Variants in B4GALNT3 observed in about 807,000 individuals in gnomAD.
B4GALNT3 encodes the protein beta-1,4-N-acetyl-galactosaminyltransferase 3, also known as beta-1,4-N-acetylgalactosaminyltransferase 3.
A neutral mutation model predicts 120.2 loss-of-function variants in B4GALNT3; 86 were observed. That is an observed-to-expected ratio of 0.72 (90% CI 0.60 to 0.86). The LOEUF (loss-of-function observed/expected upper bound fraction) is 0.86, where lower values mean the gene tolerates loss of function less well. Among genes scored for constraint, B4GALNT3 ranks in the 40% least tolerant of loss-of-function variants. The pLI, the probability that B4GALNT3 is intolerant of heterozygous loss-of-function variation, is 0.00. For missense variants in B4GALNT3, 1,167 were observed against 1,298.9 expected (o/e 0.90, Z 1.56); for synonymous variants, 518 against 510.4 (o/e 1.01, Z -0.20).
At chr12:493,618 CG>C in intron 1 of B4GALNT3, among the ~76,000 whole-genome samples, 1 of 148,162 alleles carries the variant, frequency 6.7e-6, no homozygotes. Context: ...TGGTTTTTCA[CG>C]AGAAGGATAT....
chr12:521,153 A>G (rs1299825242), intron 1 of B4GALNT3, among the ~76,000 whole-genome samples: 1 of 151,888 alleles, frequency 6.6e-6, no homozygotes, highest in African/African-American at 2.4e-5. Context: ...CCCTCTCCCC[A>G]CCCCTGAGTC....
intron 1 of B4GALNT3, among the ~76,000 whole-genome samples, chr12:504,530 G>A (rs560033747): frequency 6.7e-6 from 1 of 148,910 alleles, no homozygotes; most frequent in Admixed American, 6.7e-5. Flanking sequence ...TGTGATCTCA[G>A]CTCACTGCAA....
intron 1 of B4GALNT3, among the ~76,000 whole-genome samples, chr12:514,381 T>C (rs1227132303): frequency 6.6e-6 from 1 of 151,994 alleles, no homozygotes; most frequent in Admixed American, 6.5e-5. Flanking sequence ...GTATTTTTAG[T>C]AGAGGCGGGG....
At chr12:485,085 T>C (rs924583426) in intron 1 of B4GALNT3, among the ~76,000 whole-genome samples, 1 of 152,140 alleles carries the variant, frequency 6.6e-6, no homozygotes, top group Non-Finnish European at 1.5e-5. Flanking sequence ...TCATGAGAAG[T>C]GAATTCTGGC....
chr12:523,886 C>T (rs915613319), intron 1 of B4GALNT3, among the ~76,000 whole-genome samples: 4 of 152,052 alleles, frequency 2.6e-5, no homozygotes, highest in Non-Finnish European at 5.9e-5. Flanking sequence ...ATAGTGAAAC[C>T]CCGTCTCTAC....
At chr12:552,740 C>T in intron 13 of B4GALNT3, 1 of 587,628 alleles carries the variant, frequency 1.7e-6, no homozygotes, top group Non-Finnish European at 3.0e-6. Context: ...TTTTTAGCAG[C>T]ATGCTGGGGT....
rs561076468 is a variant in B4GALNT3 at position 543,002 on chromosome 12, A to C, written c.352-1337A>C. The C allele has an allele frequency of 3.8e-3, 2,824 of 752,828 alleles. 11 individuals are homozygous for C. Among genetic ancestry groups the C allele is most frequent in the Non-Finnish European group, 5.0e-3 (2,605 of 518,654 alleles). 46.6% of individuals were successfully genotyped at this position (752,828 alleles called of 1,614,324 possible). A position where few individuals can be genotyped will look rare whatever the true frequency, so the allele number is the denominator to read the frequency against. ...TCAGGGATGGGGAGGGGAGGAGAGC[A>C]AGTCTTTCCTGAAACCCCAGCCGGC... On this transcript the variant is annotated intron_variant, in intron 3 of 19. Coordinates refer to ENST00000266383, the MANE Select transcript of B4GALNT3 (RefSeq NM_173593.4).
chr12:518,095 C>T (rs909815418), intron 1 of B4GALNT3, among the ~76,000 whole-genome samples: 1 of 152,166 alleles, frequency 6.6e-6, no homozygotes, highest in Non-Finnish European at 1.5e-5. Flanking sequence ...CATTCATTTA[C>T]CTAATTCATC....
chr12:468,835 G>A (rs568872692), intron 1 of B4GALNT3, among the ~76,000 whole-genome samples: 15 of 152,320 alleles, frequency 9.8e-5, no homozygotes, highest in Admixed American at 8.5e-4. Flanking sequence ...CCTAGCAGAG[G>A]CTATGTGTGT....
At chr12:482,298 T>A (rs938259907) in intron 1 of B4GALNT3, among the ~76,000 whole-genome samples, 3 of 152,200 alleles carry the variant, frequency 2.0e-5, no homozygotes, top group Admixed American at 6.5e-5. Flanking sequence ...GTCAGTGGCT[T>A]GCCACAGTCC....
At chr12:480,718 G>A (rs1446778183) in intron 1 of B4GALNT3, among the ~76,000 whole-genome samples, 1 of 152,042 alleles carries the variant, frequency 6.6e-6, no homozygotes, top group Admixed American at 6.5e-5. Context: ...TGTCACCTGA[G>A]AATAAAAGGG....
chr12:462,178 T>C (rs952122955), intron 1 of B4GALNT3, among the ~76,000 whole-genome samples: 2 of 152,044 alleles, frequency 1.3e-5, no homozygotes, highest in Non-Finnish European at 2.9e-5. Flanking sequence ...CAGGCCCAAA[T>C]GGATGAGCTC....
chr12:537,460 T>C (rs1946872812), intron 3 of B4GALNT3, among the ~76,000 whole-genome samples: 2 of 152,246 alleles, frequency 1.3e-5, no homozygotes, highest in South Asian at 4.1e-4. Context: ...TCTCACTATA[T>C]TGCCCAGGCT....
At chr12:525,759 A>C (rs1014793309) in intron 1 of B4GALNT3, among the ~76,000 whole-genome samples, 2 of 152,178 alleles carry the variant, frequency 1.3e-5, no homozygotes, top group Non-Finnish European at 2.9e-5. Context: ...CTGTGGCCCT[A>C]AACCGTTCAG....
At chr12:488,776 C>A (rs1394069009) in intron 1 of B4GALNT3, among the ~76,000 whole-genome samples, 5 of 151,868 alleles carry the variant, frequency 3.3e-5, no homozygotes, top group Non-Finnish European at 5.9e-5. Context: ...GCTATGATTG[C>A]ACCTCTTCAC....
chr12:546,773 C>T (rs1044516765), intron 7 of B4GALNT3, 60 bp downstream of exon 7: 28 of 1,464,146 alleles, frequency 1.9e-5, no homozygotes, highest in African/African-American at 7.0e-5. Flanking sequence ...AGCCCGGCTG[C>T]GCCCCTGTCC....
At position 561,753 on chromosome 12, in the gene B4GALNT3, G is replaced by C; in HGVS notation, c.*302G>C. 2 of 321,644 alleles carry C rather than the reference G, an allele frequency of 6.2e-6. No homozygotes were observed. The highest frequency in any genetic ancestry group is 9.0e-4 in the Middle Eastern group (1 of 1,114). The allele number at this position is 321,644 out of a possible 1,614,324, so 19.9% of individuals were successfully genotyped here. A position where few individuals can be genotyped will look rare whatever the true frequency, so the allele number is the denominator to read the frequency against. ...GGTCAGGAAGGAGAGATCTGACTGA[G>C]CGACACCATCCTCATCCATGAAGGT... On this transcript the variant is annotated 3_prime_UTR_variant, in exon 20 of 20. Transcript: ENST00000266383.
At chr12:543,178 C>T (rs1236408711) in intron 3 of B4GALNT3, 3 of 1,289,476 alleles carry the variant, frequency 2.3e-6, no homozygotes, top group African/African-American at 1.5e-5. Context: ...TCCCCAAGGC[C>T]AGGCCATGGG....
At chr12:470,071 A>G (rs1946120937) in intron 1 of B4GALNT3, among the ~76,000 whole-genome samples, 1 of 152,208 alleles carries the variant, frequency 6.6e-6, no homozygotes, top group Non-Finnish European at 1.5e-5. Flanking sequence ...TGAGGGCTTC[A>G]GTTCCATAAT....
Sources: allele counts gnomAD v4.1 joint callset (sites outside exome capture counted in the v4.1 genomes callset), GRCh38; gene constraint gnomAD v4.1.1; transcripts MANE v1.5; gene names NCBI Gene and HGNC (gene_info 2026-07-23, HGNC 2026-07-21).